The following STRAP variants were observed in gnomAD, a reference collection of about 807,000 sequenced individuals.
STRAP encodes serine/threonine kinase receptor associated protein.
In STRAP, 16 loss-of-function variants were observed where a neutral mutation model predicts 47.0. The ratio of observed to expected loss-of-function variants is 0.34; its 90% CI spans 0.23 to 0.52. STRAP has a LOEUF of 0.52. Ranked by LOEUF, STRAP falls within the 20% of genes least tolerant of loss-of-function variation. The pLI, the probability that STRAP is intolerant of heterozygous loss-of-function variation, is 0.96. For synonymous variants in STRAP, 130 were observed against 142.7 expected, an observed-to-expected ratio of 0.91 and a Z score of 0.63; for missense variants, 293 against 420.0, an observed-to-expected ratio of 0.70 and a Z score of 2.64.
At chr12:15,898,204 TATAG>T in intron 7 of STRAP, 186 bp downstream of exon 7, 1 of 363,698 alleles carries the variant, frequency 2.7e-6, no homozygotes, top group South Asian at 5.0e-5. Context: ...CAGATGCTTT[TATAG>T]ATCTGTAAAC....
rs753742857 is a variant in STRAP at position 15,889,972 on chromosome 12, C to G, written c.293C>G (p.Ala98Gly). The change falls in exon 3 of 10, where the codon GCT becomes GGT. Residue 98 changes from alanine to glycine, a missense_variant. Ala to Gly is a moderately conservative substitution (Grantham distance 60, BLOSUM62 0). This residue lies in a region of STRAP where 152 missense variants were observed against 183.0 expected (regional missense o/e 0.83). Coordinates refer to ENST00000419869, the MANE Select transcript of STRAP (RefSeq NM_007178.4). ...AVSGDELMTLAHKHIVKTVDF... is the reference protein window; with the variant it reads ...AVSGDELMTLGHKHIVKTVDF... ...TCAGGAGATGAATTGATGACCCTGG[C>G]TCATAAACACATTGTCAAGACTGTG... is the stretch of plus-strand genomic sequence containing the variant. 6.2e-7 allele frequency: 1 copy of G among 1,613,756 alleles called. No individual in the cohort carries two copies. The highest frequency in any genetic ancestry group is 1.3e-5 in the African/African-American group (1 of 74,974).
At chr12:15,898,404 T>G (rs1353738016) in intron 7 of STRAP, 1 of 155,224 alleles carries the variant, frequency 6.4e-6, no homozygotes, top group Non-Finnish European at 1.4e-5. Context: ...TATAACCCCA[T>G]CTACTTGGCC....
At position 15,889,829 on chromosome 12, in the gene STRAP, A is replaced by G. The variant is rs568133190; in HGVS notation, c.249-99A>G. The G allele has an allele frequency of 8.1e-6, 7 of 860,272 alleles. No individual in the cohort carries two copies. In the South Asian group the frequency reaches 8.9e-5, roughly 11 times the overall value. The allele number at this position is 860,272 out of a possible 1,614,324, so 53.3% of individuals were successfully genotyped here. On this transcript the variant is annotated intron_variant, in intron 2 of 9. Transcript: ENST00000419869. ...AATACATTTATGTAACATTTCACATATCTAACTTATTTGGTACTCATCAAT... is the reference window on the plus strand; with the variant it reads ...AATACATTTATGTAACATTTCACATGTCTAACTTATTTGGTACTCATCAAT...
At chr12:15,885,176 TGG>T (rs1451320943) in intron 2 of STRAP, among the ~76,000 whole-genome samples, 16 of 145,482 alleles carry the variant, frequency 1.1e-4, no homozygotes, top group African/African-American at 4.2e-4. Flanking sequence ...AGAGTACAAG[TGG>T]TGTTTTTTTT....
intron 4 of STRAP, among the ~76,000 whole-genome samples, chr12:15,893,669 T>C (rs573475020): frequency 7.4e-5 from 11 of 148,062 alleles, no homozygotes; most frequent in East Asian, 3.9e-4. Context: ...ATTATACTTA[T>C]ACAATTATAC....
intron 2 of STRAP, among the ~76,000 whole-genome samples, chr12:15,886,773 C>G (rs1947976003): frequency 6.6e-6 from 1 of 152,006 alleles, no homozygotes; most frequent in African/African-American, 2.4e-5. Flanking sequence ...TCTTACGTTT[C>G]TTGGAAAACT....
chr12:15,898,061 G>C, intron 7 of STRAP, 43 bp downstream of exon 7: 1 of 1,546,310 alleles, frequency 6.5e-7, no homozygotes, highest in Non-Finnish European at 8.7e-7. Flanking sequence ...TTTATCATAT[G>C]TTAAGTCCCA....
intron 2 of STRAP, among the ~76,000 whole-genome samples, chr12:15,886,887 A>AT (rs1424409233): frequency 1.3e-5 from 2 of 152,254 alleles, no homozygotes; most frequent in East Asian, 3.9e-4. Flanking sequence ...TCTTGGAGTA[A>AT]TTCGGGCAAT....
chr12:15,896,860 A>T lies in STRAP; in HGVS notation c.639-1022A>T, dbSNP rs2136112302. ...AAGGATTATACCACATTACACTTTG[A>T]TATTTGACCAGTGTCTTAACCTTGT... On this transcript the variant is annotated intron_variant, in intron 6 of 9. Transcript: ENST00000419869. The surrounding 1 kb of genome is among the most constrained non-coding windows in gnomAD (Gnocchi z 4.1). Among the ~76,000 whole-genome samples, 1 of 152,334 alleles carries T rather than the reference A, an allele frequency of 6.6e-6. No individual in the cohort carries two copies. Among genetic ancestry groups the T allele is most frequent in the East Asian group, 1.9e-4 (1 of 5,180 alleles).
rs563689927 is a variant in STRAP at position 15,892,915 on chromosome 12, G to A, written c.404-1132G>A. Among the ~76,000 whole-genome samples, 6 of 152,248 alleles carry A rather than the reference G, an allele frequency of 3.9e-5. No homozygotes were observed. The South Asian group carries it at 1.2e-3, about 32-fold the overall frequency. ...TTCCCAAAGCTGTTTTATGAAAGTT[G>A]CTCTTTCGCTGTGCTGGCAGCAGAA... On this transcript the variant is annotated intron_variant, in intron 4 of 9. Coordinates refer to ENST00000419869, the MANE Select transcript of STRAP (RefSeq NM_007178.4).
rs368758356 is a variant in STRAP at position 15,890,489 on chromosome 12, CTT to C, written c.331-106_331-105del. 4.6e-5 allele frequency: 42 copies of C among 922,872 alleles called. 1 individual carries two copies. In the African/African-American group the frequency reaches 5.9e-4, roughly 13 times the overall value. 57.2% of individuals were successfully genotyped at this position (922,872 alleles called of 1,614,324 possible). A position where few individuals can be genotyped will look rare whatever the true frequency, so the allele number is the denominator to read the frequency against. On this transcript the variant is annotated intron_variant, in intron 3 of 9. Coordinates refer to ENST00000419869, the MANE Select transcript of STRAP (RefSeq NM_007178.4). The surrounding 1 kb of genome is among the most constrained non-coding windows in gnomAD (Gnocchi z 4.5). ...AGTAATTGGTTATGTCTTGGCATCT[CTT>C]TGTGATGTCTGTGAGCTAGATTTTG...
intron 6 of STRAP, among the ~76,000 whole-genome samples, chr12:15,897,647 A>G (rs962656773): frequency 6.6e-6 from 1 of 151,602 alleles, no homozygotes; most frequent in Non-Finnish European, 1.5e-5. Flanking sequence ...CATAAACTGG[A>G]TATCCCTCCA....
rs1449301213 is a variant in STRAP at position 15,894,513 on chromosome 12, A to C, written c.500+370A>C. On this transcript the variant is annotated intron_variant, in intron 5 of 9. Transcript: ENST00000419869. This position sits in a 1 kb window ranked among gnomAD's most constrained non-coding sequence, Gnocchi z 4.9. Reference sequence around the variant, plus strand: ...ATTTTACCTTAGAGCTTATATTTTAAATACATTTAATATTATGTGTGAAAA... The same window carrying C: ...ATTTTACCTTAGAGCTTATATTTTACATACATTTAATATTATGTGTGAAAA... Among the ~76,000 whole-genome samples, 2 of 152,232 alleles carry C rather than the reference A, an allele frequency of 1.3e-5. No homozygotes were observed. Among genetic ancestry groups the C allele is most frequent in the East Asian group, 3.8e-4 (2 of 5,196 alleles).
chr12:15,889,764 A>G (rs1947999802), intron 2 of STRAP, among the ~76,000 whole-genome samples, 164 bp from the exon 3 acceptor site: 1 of 152,206 alleles, frequency 6.6e-6, no homozygotes, highest in African/African-American at 2.4e-5. Context: ...ATTTTATCAA[A>G]TGAAGTCTGT....
chr12:15,883,430 T>C (rs1947941240), intron 1 of STRAP, 111 bp from the exon 2 acceptor site: 2 of 1,271,866 alleles, frequency 1.6e-6, no homozygotes, highest in African/African-American at 1.5e-5. Flanking sequence ...GTTAAATAGC[T>C]GAAACAATTT....
chr12:15,898,513 AT>A (rs1168766460), intron 7 of STRAP, among the ~76,000 whole-genome samples: 1 of 152,184 alleles, frequency 6.6e-6, no homozygotes, highest in East Asian at 1.9e-4. Flanking sequence ...ACCTTTAGGA[AT>A]CTGAATTGGA....
At chr12:15,900,520 CAA>C (rs397823926) in intron 8 of STRAP, among the ~76,000 whole-genome samples, 18 of 102,144 alleles carry the variant, frequency 1.8e-4, no homozygotes, top group East Asian at 2.8e-4. Flanking sequence ...GACTCAGTCT[CAA>C]AAAAAAAAAA....
At chr12:15,898,103 TGTTAC>T in intron 7 of STRAP, 85 bp downstream of exon 7, 2 of 1,212,652 alleles carry the variant, frequency 1.6e-6, no homozygotes, top group Non-Finnish European at 2.2e-6. Context: ...TATATATATA[TGTTAC>T]ATATATATGT....
At chr12:15,882,843 C>T (rs1166184087) in intron 1 of STRAP, 24 bp downstream of exon 1, 45 of 1,598,254 alleles carry the variant, frequency 2.8e-5, no homozygotes, top group Non-Finnish European at 3.8e-5. Context: ...CAATCCTGGT[C>T]CTCGACGGCT....
Sources: gnomAD v4.1 joint callset for allele counts (sites outside exome capture counted in the v4.1 genomes callset) on GRCh38, gnomAD v4.1.1 for gene constraint, gnomAD v4.1.1 regional missense constraint, Gnocchi (gnomAD v3.1) non-coding constraint, MANE v1.5 for transcripts, NCBI Gene and HGNC (gene_info 2026-07-23, HGNC 2026-07-21) for gene names.